The following FSTL4 variants were observed in gnomAD, a reference collection of about 807,000 sequenced individuals.
The protein encoded by FSTL4 is follistatin like 4, also known as follistatin-related protein 4.
In FSTL4, 28 loss-of-function variants were observed where a neutral mutation model predicts 78.2. The ratio of observed to expected loss-of-function variants is 0.36; its 90% confidence interval spans 0.27 to 0.49. The LOEUF is 0.49. Ranked by LOEUF, FSTL4 falls within the 20% of genes least tolerant of loss-of-function variation. The probability of loss-of-function intolerance (pLI) is 0.98; values close to 1 mark genes in which losing one functional copy is unlikely to be tolerated. For synonymous variants in FSTL4, 422 were observed against 440.5 expected, an observed-to-expected ratio of 0.96 and a Z score of 0.53; for missense variants, 922 against 1,084.9, an observed-to-expected ratio of 0.85 and a Z score of 2.11.
intron 4 of FSTL4, among the ~76,000 whole-genome samples, chr5:133,388,222 G>A (rs1482279106): frequency 6.6e-6 from 1 of 152,180 alleles, no homozygotes; most frequent in Non-Finnish European, 1.5e-5. Context: ...TGATTTCTCT[G>A]TAGAATGTGA....
chr5:133,531,143 A>G (rs1580770072), intron 3 of FSTL4, among the ~76,000 whole-genome samples: 1 of 152,220 alleles, frequency 6.6e-6, no homozygotes, highest in African/African-American at 2.4e-5. Flanking sequence ...CTGGCTGATC[A>G]TTGATGGGAT....
At chr5:133,405,604 T>C (rs1463271876) in intron 3 of FSTL4, among the ~76,000 whole-genome samples, 1 of 152,242 alleles carries the variant, frequency 6.6e-6, no homozygotes, top group African/African-American at 2.4e-5. Flanking sequence ...TGTAGCCATG[T>C]GCAGATATGT....
the FSTL4 span, among the ~76,000 whole-genome samples, chr5:133,687,638 C>T: frequency 2.6e-5 from 4 of 152,170 alleles, no homozygotes; most frequent in Non-Finnish European, 5.9e-5. Context: ...TTTTGGGTTG[C>T]CAAAACCAGA....
the FSTL4 span, among the ~76,000 whole-genome samples, chr5:133,816,699 A>G: frequency 6.6e-6 from 1 of 152,202 alleles, no homozygotes; most frequent in African/African-American, 2.4e-5. Context: ...AGGGGAAAAT[A>G]ACATTATAGG....
intron 3 of FSTL4, among the ~76,000 whole-genome samples, chr5:133,514,220 T>A (rs1278853750): frequency 2.0e-5 from 3 of 146,832 alleles, no homozygotes; most frequent in Non-Finnish European, 1.5e-5. Context: ...ATAATAATAA[T>A]AATAAACCGT....
intron 3 of FSTL4, among the ~76,000 whole-genome samples, chr5:133,515,228 A>C (rs891524153): frequency 6.6e-6 from 1 of 152,138 alleles, no homozygotes; most frequent in South Asian, 2.1e-4. Context: ...AATAATAGAA[A>C]CTAAGAAGTG....
chr5:133,618,168 C>G, the FSTL4 span, among the ~76,000 whole-genome samples: 1 of 152,072 alleles, frequency 6.6e-6, no homozygotes, highest in African/African-American at 2.4e-5. Flanking sequence ...TTAACAACAA[C>G]AATAATTCAT....
rs570848503 is a variant in FSTL4, at chr5:133,283,196, G to A, written c.727+29458C>T. ...TGTCCTGAACCGTTTGCATCCTAAA[G>A]GTGTGCTGCGCTTCCTGGGGTCCTC... On this transcript the variant is annotated intron_variant, in intron 6 of 15. Coordinates refer to ENST00000265342, the MANE Select transcript of FSTL4 (RefSeq NM_015082.2). Among the ~76,000 whole-genome samples the A allele has an allele frequency of 5.0e-4, 76 of 152,246 alleles. 1 individual carries two copies. The South Asian group carries it at 0.011, about 21-fold the overall frequency.
intron 3 of FSTL4, among the ~76,000 whole-genome samples, chr5:133,429,490 A>G (rs1756892286): frequency 6.6e-6 from 1 of 152,154 alleles, no homozygotes; most frequent in South Asian, 2.1e-4. Context: ...GGATGAAGGG[A>G]AGAAACCACA....
At chr5:133,624,028 G>A in the FSTL4 span, among the ~76,000 whole-genome samples, 14 of 151,998 alleles carry the variant, frequency 9.2e-5, no homozygotes, top group East Asian at 1.9e-4. Context: ...TTGTTCAGTC[G>A]TGGAAGACAG....
the FSTL4 span, among the ~76,000 whole-genome samples, chr5:133,808,292 CGG>C: frequency 6.6e-6 from 1 of 152,184 alleles, no homozygotes; most frequent in Non-Finnish European, 1.5e-5. Flanking sequence ...GTGGAGCCCT[CGG>C]GGCTAGACCC....
chr5:133,315,093 C>G (rs1244850081), intron 5 of FSTL4, among the ~76,000 whole-genome samples: 1 of 152,152 alleles, frequency 6.6e-6, no homozygotes, highest in Non-Finnish European at 1.5e-5. Flanking sequence ...GCCTGGGAGG[C>G]AGAGGCTGCA....
chr5:133,546,449 T>C (rs1024454092), intron 3 of FSTL4, among the ~76,000 whole-genome samples: 3 of 137,166 alleles, frequency 2.2e-5, no homozygotes, highest in African/African-American at 8.4e-5. Context: ...GAGGTTGCAG[T>C]GAGCTCAGAT....
rs1370089520 is a variant in FSTL4, at chr5:133,426,009, CT to C, written c.161-25024del. ...CCTGTCTAAGTGCTGGGGACCCCCC[CT>C]GAGCAAGACCCTTCTCTCTTGGCCT... On this transcript the variant is annotated intron_variant, in intron 3 of 15. Coordinates refer to ENST00000265342, the MANE Select transcript of FSTL4 (RefSeq NM_015082.2). This position sits in a 1 kb window ranked among gnomAD's most constrained non-coding sequence, Gnocchi z 5.0. 7.2e-5 allele frequency among the ~76,000 whole-genome samples: 11 copies of C among 152,220 alleles called. No individual in the cohort carries two copies. Among genetic ancestry groups the C allele is most frequent in the Non-Finnish European group, 1.5e-4 (10 of 68,040 alleles).
chr5:133,427,383 G>A (rs1756843151), intron 3 of FSTL4, among the ~76,000 whole-genome samples: 4 of 152,212 alleles, frequency 2.6e-5, no homozygotes, highest in Admixed American at 2.6e-4. Flanking sequence ...CCTTTTGGCA[G>A]TAGAGATATA....
chr5:133,337,456 GCTT>G (rs1400420631), intron 4 of FSTL4, among the ~76,000 whole-genome samples: 1 of 152,176 alleles, frequency 6.6e-6, no homozygotes, highest in African/African-American at 2.4e-5. Context: ...GGAGCCCGAG[GCTT>G]CTTCGAGGAG....
In FSTL4 at chr5:133,400,742, G is replaced by A. The variant is rs1245301122; in HGVS notation, c.405C>T (p.Leu135=). 14 of 1,613,790 alleles carry A rather than the reference G, an allele frequency of 8.7e-6. No homozygotes were observed. The highest frequency in any genetic ancestry group is 1.2e-5 in the Non-Finnish European group (14 of 1,179,798). Residue 135 remains leucine (L), a synonymous_variant, in exon 4 of 16, where the codon CTC becomes CTT. Coordinates refer to ENST00000265342, the MANE Select transcript of FSTL4 (RefSeq NM_015082.2). ...GGGCAAGGGCCCTGTTCCTACCTTT[G>A]AGGAAACAGTCCTTGCTGTGGATGA... The part of the protein sequence containing the change: ...ITVIHSKDCF[L]KGDTCTMAGY...
intron 7 of FSTL4, among the ~76,000 whole-genome samples, chr5:133,239,153 T>A (rs1751754101): frequency 6.6e-6 from 1 of 152,166 alleles, no homozygotes; most frequent in Non-Finnish European, 1.5e-5. Flanking sequence ...GCGCTGGATT[T>A]CTTGCCGGGC....
At chr5:133,322,237 ACACCCC>A (rs56980117) in intron 4 of FSTL4, among the ~76,000 whole-genome samples, 15 of 107,924 alleles carry the variant, frequency 1.4e-4, no homozygotes, top group Admixed American at 5.1e-4. Context: ...ACACACACAC[ACACCCC>A]CACACCCACC....
Sources: gnomAD v4.1 joint callset for allele counts (sites outside exome capture counted in the v4.1 genomes callset) on GRCh38, gnomAD v4.1.1 for gene constraint, Gnocchi (gnomAD v3.1) non-coding constraint, MANE v1.5 for transcripts, NCBI Gene and HGNC (gene_info 2026-07-23, HGNC 2026-07-21) for gene names.